PTK2B: variants seen among roughly 807,000 people sequenced by gnomAD.
PTK2B encodes the protein protein tyrosine kinase 2 beta.
Under a neutral mutation model 142.9 loss-of-function variants are expected in PTK2B, and 71 were observed. That is an observed-to-expected ratio of 0.50 (90% CI 0.41 to 0.61). The LOEUF is 0.61. Ranked by LOEUF, PTK2B falls within the 20% of genes least tolerant of loss-of-function variation. The pLI is 0.00. For synonymous variants in PTK2B, 519 were observed against 503.4 expected, an observed-to-expected ratio of 1.03 and a Z score of -0.42; for missense variants, 1,105 against 1,320.4, an observed-to-expected ratio of 0.84 and a Z score of 2.53.
At chr8:27,359,248 T>C (rs1263659397) in intron 1 of PTK2B, among the ~76,000 whole-genome samples, 1 of 152,124 alleles carries the variant, frequency 6.6e-6, no homozygotes, top group Non-Finnish European at 1.5e-5. Context: ...CCCGAGTAGC[T>C]GGACTACAGG....
At chr8:27,447,936 T>G (rs1043205454) in intron 24 of PTK2B, among the ~76,000 whole-genome samples, 1 of 152,244 alleles carries the variant, frequency 6.6e-6, no homozygotes, top group Non-Finnish European at 1.5e-5. Context: ...GACGCTGTCC[T>G]CGGTGCTGAA....
intron 21 of PTK2B, among the ~76,000 whole-genome samples, chr8:27,441,324 C>A (rs2132253900): frequency 6.6e-6 from 1 of 152,142 alleles, no homozygotes; most frequent in East Asian, 1.9e-4. Flanking sequence ...AATGTGAAAA[C>A]CATTCTTCAT....
In PTK2B at chr8:27,344,757, G is replaced by T. The variant is rs532017385; in HGVS notation, c.-38+19076G>T. On this transcript the variant is annotated intron_variant, in intron 1 of 30. Coordinates refer to ENST00000346049, the MANE Select transcript of PTK2B (RefSeq NM_173176.3). ...TGCCACCTCTGTACTGTTGCGTCTT[G>T]TTTGGCCACTTTACTCCAGGACACA... Among the ~76,000 whole-genome samples, 20 of 152,226 alleles carry T rather than the reference G, an allele frequency of 1.3e-4. No individual in the cohort carries two copies. The East Asian group carries it at 3.5e-3, about 26-fold the overall frequency.
intron 1 of PTK2B, among the ~76,000 whole-genome samples, chr8:27,381,961 T>A (rs1807051217): frequency 6.6e-6 from 1 of 152,226 alleles, no homozygotes; most frequent in Admixed American, 6.5e-5. Flanking sequence ...GTCTTCTTTG[T>A]TTTTCTGAGA....
At chr8:27,411,951 A>AT (rs1458447094) in intron 2 of PTK2B, among the ~76,000 whole-genome samples, 1 of 152,230 alleles carries the variant, frequency 6.6e-6, no homozygotes, top group Non-Finnish European at 1.5e-5. Context: ...GAATGCAGGA[A>AT]AGTGCTATCC....
At chr8:27,365,941 C>T (rs1805995439) in intron 1 of PTK2B, among the ~76,000 whole-genome samples, 1 of 152,204 alleles carries the variant, frequency 6.6e-6, no homozygotes, top group Non-Finnish European at 1.5e-5. Flanking sequence ...AGAAGCATTT[C>T]AAACAGAACC....
intron 11 of PTK2B, 109 bp from the exon 12 acceptor site, chr8:27,433,982 TAG>T: frequency 7.3e-7 from 1 of 1,369,662 alleles, no homozygotes; most frequent in African/African-American, 1.4e-5. Context: ...AGAATGGAAT[TAG>T]GGGCTGGGAT....
chr8:27,420,514 G>A (rs143068624), intron 3 of PTK2B, 143 bp from the exon 4 acceptor site: 9,681 of 771,834 alleles, frequency 0.013, 93 homozygotes, highest in Non-Finnish European at 0.017. Context: ...AGAAAAACCA[G>A]CCCTGAATGA....
intron 1 of PTK2B, among the ~76,000 whole-genome samples, chr8:27,326,647 C>T (rs1437966068): frequency 1.3e-5 from 2 of 152,146 alleles, no homozygotes; most frequent in Non-Finnish European, 2.9e-5. Context: ...CTGGGAGGCC[C>T]CTCTACGTGG....
intron 28 of PTK2B, 138 bp downstream of exon 28, chr8:27,453,298 AG>A: frequency 9.4e-7 from 1 of 1,062,158 alleles, no homozygotes; most frequent in Non-Finnish European, 1.4e-6. Flanking sequence ...GCCCGGGGTT[AG>A]GGGGCGGGTG....
chr8:27,452,790 T>G (rs1586362852), intron 27 of PTK2B: 1 of 340,792 alleles, frequency 2.9e-6, no homozygotes, highest in East Asian at 4.7e-5. Context: ...TTTCTTCCTT[T>G]CAGATCACCC....
intron 5 of PTK2B, among the ~76,000 whole-genome samples, chr8:27,425,445 A>G (rs1563275649): frequency 1.3e-5 from 2 of 151,774 alleles, no homozygotes; most frequent in Non-Finnish European, 2.9e-5. Flanking sequence ...GTTTATTTTG[A>G]ATAGACTTTA....
intron 3 of PTK2B, among the ~76,000 whole-genome samples, chr8:27,316,209 A>C (rs1490241890): frequency 1.3e-5 from 2 of 152,148 alleles, no homozygotes; most frequent in Non-Finnish European, 2.9e-5. Context: ...TGCCATCACC[A>C]TGTAAATTTG....
chr8:27,366,435 C>A (rs1386649064), intron 1 of PTK2B, among the ~76,000 whole-genome samples: 1 of 152,224 alleles, frequency 6.6e-6, no homozygotes, highest in Non-Finnish European at 1.5e-5. Flanking sequence ...GCCCAGGGTT[C>A]ATGTGGTGCC....
intron 17 of PTK2B, 103 bp from the exon 18 acceptor site, chr8:27,437,662 C>A: frequency 1.5e-6 from 2 of 1,296,214 alleles, no homozygotes; most frequent in South Asian, 1.3e-5. Flanking sequence ...GGGTTTGTCT[C>A]CCACCGCCCC....
intron 1 of PTK2B, among the ~76,000 whole-genome samples, chr8:27,388,371 G>A (rs1407141004): frequency 2.0e-5 from 3 of 152,246 alleles, no homozygotes; most frequent in African/African-American, 7.2e-5. Flanking sequence ...ATGACAAAGA[G>A]TGTGGTTTTG....
intron 1 of PTK2B, among the ~76,000 whole-genome samples, chr8:27,333,118 A>G (rs1803858342): frequency 1.3e-5 from 2 of 152,248 alleles, no homozygotes; most frequent in Admixed American, 6.5e-5. Flanking sequence ...AAGGATAGAC[A>G]GGATACACTG....
rs1483713446 is a variant in PTK2B, at chr8:27,453,176, G to C, written c.2595+16G>C. The C allele has an allele frequency of 5.0e-6, 8 of 1,613,942 alleles. No homozygotes were observed. The highest frequency in any genetic ancestry group is 2.7e-5 in the African/African-American group (2 of 74,916). The stretch of plus-strand genomic sequence containing the variant: ...GGGCGCACAGGTATGTGTTGGCTCT[G>C]CTGAAACTGATAAATGAGAGTGGGG... On this transcript the variant is annotated intron_variant, in intron 28 of 30. Transcript: ENST00000346049.
chr8:27,398,500 T>G (rs369148101), intron 2 of PTK2B, among the ~76,000 whole-genome samples: 1 of 152,318 alleles, frequency 6.6e-6, no homozygotes, highest in East Asian at 1.9e-4. Flanking sequence ...ACAATTACTG[T>G]GTGGAGCCTG....
Sources: allele counts gnomAD v4.1 joint callset (sites outside exome capture counted in the v4.1 genomes callset), GRCh38; gene constraint gnomAD v4.1.1; transcripts MANE v1.5; gene names NCBI Gene and HGNC (gene_info 2026-07-23, HGNC 2026-07-21).